Variants in LIMCH1 observed in about 807,000 individuals in gnomAD.
LIMCH1 encodes the protein LIM and calponin homology domains 1.
In LIMCH1, 113 loss-of-function variants were observed where a neutral mutation model predicts 176.5. That is an observed-to-expected ratio of 0.64 (90% CI 0.55 to 0.75). The LOEUF is 0.75. Among genes scored for constraint, LIMCH1 ranks in the 30% least tolerant of loss-of-function variants. LIMCH1 has a pLI of 0.00. For synonymous variants in LIMCH1, 619 were observed against 645.9 expected (o/e 0.96, Z 0.63); for missense variants, 1,674 against 1,814.9 (o/e 0.92, Z 1.41).
intron 27 of LIMCH1, 124 bp from the exon 28 acceptor site, chr4:41,685,586 C>A: frequency 1.8e-6 from 2 of 1,140,208 alleles, no homozygotes; most frequent in Non-Finnish European, 2.6e-6. Flanking sequence ...CCACCATGTG[C>A]CCATGACCTG....
chr4:41,553,890 A>G (rs939098621), intron 1 of LIMCH1, among the ~76,000 whole-genome samples: 3 of 152,142 alleles, frequency 2.0e-5, no homozygotes, highest in Non-Finnish European at 4.4e-5. Flanking sequence ...ATCTCAATGT[A>G]TAGTGACGTA....
intron 1 of LIMCH1, among the ~76,000 whole-genome samples, chr4:41,408,802 G>T (rs58020506): frequency 0.035 from 5,262 of 152,228 alleles, 287 homozygotes; most frequent in African/African-American, 0.12. Context: ...AGTTCAGTTG[G>T]ATTGTATTGA....
At chr4:41,500,792 G>C (rs2073127554) in intron 2 of LIMCH1, among the ~76,000 whole-genome samples, 1 of 152,144 alleles carries the variant, frequency 6.6e-6, no homozygotes, top group Non-Finnish European at 1.5e-5. Context: ...TCAAGGGCCT[G>C]GTAGTCCCAC....
At chr4:41,399,307 A>C (rs962169262) in intron 1 of LIMCH1, among the ~76,000 whole-genome samples, 1 of 152,182 alleles carries the variant, frequency 6.6e-6, no homozygotes, top group Non-Finnish European at 1.5e-5. Flanking sequence ...AAAAAAACCC[A>C]TAAGAATAGA....
intron 1 of LIMCH1, among the ~76,000 whole-genome samples, chr4:41,540,615 T>G (rs1252533999): frequency 6.6e-6 from 1 of 152,122 alleles, no homozygotes; most frequent in Non-Finnish European, 1.5e-5. Flanking sequence ...GATGGGCACC[T>G]GTAATCCCAG....
At chr4:41,417,913 A>G (rs1199297123) in intron 1 of LIMCH1, among the ~76,000 whole-genome samples, 1 of 152,242 alleles carries the variant, frequency 6.6e-6, no homozygotes, top group East Asian at 1.9e-4. Context: ...GCAATAAATG[A>G]TCATTCACTT....
At position 41,494,508 on chromosome 4, in the gene LIMCH1, T is replaced by C. The variant is rs75781315; in HGVS notation, c.97-28T>C. On this transcript the variant is annotated intron_variant, in intron 1 of 26. Transcript: ENST00000313860. ...TTCTTGATTAAAAAAGAAAAACTTA[T>C]GTGCTCTTTTTCTTTTCTTTTTTGC... The C allele has an allele frequency of 7.1e-4, 1,119 of 1,572,890 alleles. 7 individuals are homozygous for C. In the African/African-American group the frequency reaches 0.013, roughly 19 times the overall value.
At chr4:41,615,600 A>T (rs2091972111) in intron 5 of LIMCH1, among the ~76,000 whole-genome samples, 2 of 152,208 alleles carry the variant, frequency 1.3e-5, no homozygotes. Context: ...CAACACATTT[A>T]TTAATCTGCC....
chr4:41,596,731 A>C (rs146652693), intron 1 of LIMCH1, among the ~76,000 whole-genome samples: 1 of 152,250 alleles, frequency 6.6e-6, no homozygotes, highest in Admixed American at 6.5e-5. Context: ...ATGGGAGGGA[A>C]CTCTTACATT....
At chr4:41,670,913 A>G in intron 21 of LIMCH1, 1 of 1,438,766 alleles carries the variant, frequency 7.0e-7, no homozygotes, top group Non-Finnish European at 9.1e-7. Context: ...TCTTATGCAC[A>G]GTTAGCAAAG....
intron 1 of LIMCH1, among the ~76,000 whole-genome samples, chr4:41,583,841 A>AT (rs2085970993): frequency 6.6e-6 from 1 of 150,634 alleles, no homozygotes; most frequent in Non-Finnish European, 1.5e-5. Flanking sequence ...TTTCATACAC[A>AT]TTTTAATATC....
intron 1 of LIMCH1, among the ~76,000 whole-genome samples, chr4:41,582,625 C>G (rs1293079230): frequency 6.6e-6 from 1 of 152,144 alleles, no homozygotes; most frequent in African/African-American, 2.4e-5. Flanking sequence ...TACATTATGT[C>G]TCTGTAGTTC....
At chr4:41,574,386 C>T (rs2084107830) in intron 1 of LIMCH1, among the ~76,000 whole-genome samples, 1 of 150,924 alleles carries the variant, frequency 6.6e-6, no homozygotes, top group East Asian at 2.0e-4. Context: ...CTCCACCTCC[C>T]GGGTTCAAGT....
intron 1 of LIMCH1, among the ~76,000 whole-genome samples, chr4:41,542,421 A>G (rs2078790837): frequency 6.6e-6 from 1 of 151,608 alleles, no homozygotes; most frequent in African/African-American, 2.4e-5. Flanking sequence ...CAGTCAGGGT[A>G]ATTAAGGACT....
intron 21 of LIMCH1, chr4:41,671,041 T>G (rs2095001092): frequency 2.1e-6 from 2 of 939,512 alleles, no homozygotes; most frequent in Non-Finnish European, 2.5e-6. Context: ...ATCATTTTCT[T>G]GAGAGTCCCC....
intron 1 of LIMCH1, among the ~76,000 whole-genome samples, chr4:41,570,242 T>C (rs1404717223): frequency 6.6e-6 from 1 of 152,254 alleles, no homozygotes; most frequent in African/African-American, 2.4e-5. Context: ...CATTCTGTGC[T>C]TTAACCAGTA....
At chr4:41,489,659 TTC>T (rs1247139416) in intron 1 of LIMCH1, among the ~76,000 whole-genome samples, 1 of 152,066 alleles carries the variant, frequency 6.6e-6, no homozygotes, top group Non-Finnish European at 1.5e-5. Context: ...TTTGTATGAA[TTC>T]TTTTTTTTAT....
At chr4:41,662,706 A>G (rs2094668529) in intron 19 of LIMCH1, 115 bp from the exon 20 acceptor site, 2 of 1,099,474 alleles carry the variant, frequency 1.8e-6, no homozygotes, top group Admixed American at 2.1e-5. Context: ...TTCAGCTTAT[A>G]TTGCCAGGAC....
At chr4:41,431,528 G>T (rs972679660) in intron 1 of LIMCH1, among the ~76,000 whole-genome samples, 2 of 152,146 alleles carry the variant, frequency 1.3e-5, no homozygotes, top group Admixed American at 1.3e-4. Flanking sequence ...GGTTTTTAAA[G>T]AACTTCATTA....
Sources: allele counts gnomAD v4.1 joint callset (sites outside exome capture counted in the v4.1 genomes callset), GRCh38; gene constraint gnomAD v4.1.1; transcripts MANE v1.5; gene names NCBI Gene and HGNC (gene_info 2026-07-23, HGNC 2026-07-21).